The following UGT1A4 variants were observed in gnomAD, a reference collection of about 807,000 sequenced individuals.
UGT1A4 encodes the protein UDP-glucuronosyltransferase 1A4.
Under a neutral mutation model 41.1 loss-of-function variants are expected in UGT1A4, and 32 were observed. The observed-to-expected ratio is 0.78, with a 90% CI of 0.59 to 1.05. The LOEUF is 1.05. Ranked by LOEUF, UGT1A4 falls within the 50% of genes least tolerant of loss-of-function variation. UGT1A4 has a pLI of 0.00. For missense variants in UGT1A4, 748 were observed against 677.4 expected (o/e 1.10, Z -1.16); for synonymous variants, 283 against 265.1 (o/e 1.07, Z -0.66).
At chr2:233,764,035 A>G (rs1459516650) in intron 1 of UGT1A4, among the ~76,000 whole-genome samples, 2 of 152,226 alleles carry the variant, frequency 1.3e-5, no homozygotes, top group Non-Finnish European at 2.9e-5. Context: ...GTGCTAAAGA[A>G]GAATTCTGGG....
intron 1 of UGT1A4, chr2:233,753,565 G>GGACC (rs1470283120): frequency 1.3e-5 from 2 of 152,156 alleles, no homozygotes; most frequent in African/African-American, 4.8e-5. Flanking sequence ...CTAGAAGATG[G>GGACC]GACCCTTTGT....
At position 233,719,192 on chromosome 2, in the gene UGT1A4, T is replaced by A. The variant is rs770140125; in HGVS notation, c.372T>A (p.Leu124=). The change falls in exon 1 of 5, where the codon CTT becomes CTA. Residue 124 remains leucine (L), a synonymous_variant. Transcript: ENST00000373409. ...TTATGAACAATGTATCTTTGGCCCT[T>A]CATAGGTGTTGTGTGGAGCTACTGC... ...MAIMNNVSLA[L]HRCCVELLHN... 1.2e-5 allele frequency: 20 copies of A among 1,614,046 alleles called. No homozygotes were observed. The highest frequency in any genetic ancestry group is 1.2e-4 in the Admixed American group (7 of 59,996).
intron 1 of UGT1A4, 26 bp downstream of exon 1, chr2:233,719,713 C>T (rs761088378): frequency 6.2e-7 from 1 of 1,613,962 alleles, no homozygotes; most frequent in African/African-American, 1.3e-5. Flanking sequence ...TTCATCCAAT[C>T]AATGTTCCAG....
At chr2:233,755,830 A>G (rs534552982) in intron 1 of UGT1A4, 2 of 152,366 alleles carry the variant, frequency 1.3e-5, no homozygotes, top group South Asian at 4.1e-4. Context: ...AGACATATTC[A>G]TTGGGCAATT....
At chr2:233,721,966 T>C (rs1022053343) in intron 1 of UGT1A4, 4 of 298,750 alleles carry the variant, frequency 1.3e-5, no homozygotes, top group Admixed American at 7.9e-5. Flanking sequence ...TATGCATACA[T>C]TGATGGCCTG....
intron 1 of UGT1A4, among the ~76,000 whole-genome samples, chr2:233,739,752 C>A (rs1309875267): frequency 1.3e-5 from 2 of 152,166 alleles, no homozygotes; most frequent in Non-Finnish European, 2.9e-5. Context: ...GGACTATGGA[C>A]TTTTGAGCTA....
rs1464490488 is a variant in UGT1A4 at position 233,772,373 on chromosome 2, A to C, written c.1419A>C (p.Pro473=). 1.2e-6 allele frequency: 2 copies of C among 1,614,108 alleles called. No individual in the cohort carries two copies. The highest frequency in any genetic ancestry group is 2.2e-5 in the East Asian group (1 of 44,894). Reference sequence around the variant, plus strand: ...TTGTGATGAGGCACAAGGGCGCGCCACACCTGCGCCCCGCAGCCCACGACC... The same window carrying C: ...TTGTGATGAGGCACAAGGGCGCGCCCCACCTGCGCCCCGCAGCCCACGACC... ...VEFVMRHKGA[P]HLRPAAHDLT... The change falls in exon 5 of 5, where the codon CCA becomes CCC. Residue 473 remains proline, a synonymous_variant. Transcript: ENST00000373409.
At chr2:233,727,498 G>A (rs2077621663) in intron 1 of UGT1A4, among the ~76,000 whole-genome samples, 1 of 152,136 alleles carries the variant, frequency 6.6e-6, no homozygotes, top group Non-Finnish European at 1.5e-5. Context: ...TAGAACATGG[G>A]AGCCCATGAA....
intron 1 of UGT1A4, among the ~76,000 whole-genome samples, chr2:233,723,239 T>G (rs1575545383): frequency 9.2e-6 from 1 of 108,658 alleles, no homozygotes; most frequent in African/African-American, 4.5e-5. Context: ...TGAGTTGGAG[T>G]CCTGCTGTCA....
chr2:233,769,469 G>T lies in UGT1A4; in HGVS notation c.1307+1030G>T. On this transcript the variant is annotated intron_variant, in intron 4 of 4. Coordinates refer to ENST00000373409, the MANE Select transcript of UGT1A4 (RefSeq NM_007120.3). The surrounding 1 kb of genome is among the most constrained non-coding windows in gnomAD (Gnocchi z 4.4). ...CACACGTGTGCATTCATATGCGTGT[G>T]TGTGTGTGTGCGTGTGTTTATGAGA... 2 of 1,610,132 alleles carry T rather than the reference G, an allele frequency of 1.2e-6. No homozygotes were observed.
intron 1 of UGT1A4, chr2:233,760,236 A>ATC: frequency 8.2e-6 from 13 of 1,590,176 alleles, no homozygotes; most frequent in Non-Finnish European, 1.1e-5. Context: ...TTTTTGCCAT[A>ATC]TATATATATA....
intron 1 of UGT1A4, among the ~76,000 whole-genome samples, chr2:233,730,418 A>G (rs1198959382): frequency 2.0e-5 from 3 of 152,174 alleles, no homozygotes; most frequent in Non-Finnish European, 4.4e-5. Context: ...TGACATGATA[A>G]TTTTTAGTTG....
intron 1 of UGT1A4, among the ~76,000 whole-genome samples, chr2:233,763,416 A>T (rs1484402572): frequency 6.6e-6 from 1 of 152,224 alleles, no homozygotes; most frequent in Non-Finnish European, 1.5e-5. Flanking sequence ...TTTTTAATCC[A>T]GTCAGGCAGT....
rs1239644692 is a variant in UGT1A4 at position 233,769,886 on chromosome 2, C to T, written c.1307+1447C>T. On this transcript the variant is annotated intron_variant, in intron 4 of 4. Coordinates refer to ENST00000373409, the MANE Select transcript of UGT1A4 (RefSeq NM_007120.3). The surrounding 1 kb of genome is among the most constrained non-coding windows in gnomAD (Gnocchi z 4.4). ...AAAAAAAAAAAAAATGAAAAGTCCACATAACCTGAGCATCATGTGCCCAGA... is the reference window on the plus strand; with the variant it reads ...AAAAAAAAAAAAAATGAAAAGTCCATATAACCTGAGCATCATGTGCCCAGA... The T allele has an allele frequency of 5.3e-5, 21 of 399,374 alleles. No individual in the cohort carries two copies. The South Asian group carries it at 8.0e-4, about 15-fold the overall frequency. The allele number at this position is 399,374 out of a possible 1,614,324, so 24.7% of individuals were successfully genotyped here.
chr2:233,740,668 G>A (rs1267064015), intron 1 of UGT1A4: 1 of 151,782 alleles, frequency 6.6e-6, no homozygotes, highest in Non-Finnish European at 1.5e-5. Context: ...GAAGGTACAG[G>A]TGTTTCCATG....
chr2:233,720,872 T>TTG (rs71694891), intron 1 of UGT1A4, among the ~76,000 whole-genome samples: 1 of 39,450 alleles, frequency 2.5e-5, no homozygotes, highest in African/African-American at 3.2e-4. Flanking sequence ...CTCCTGGCAA[T>TTG]TTTTTTTTTT....
rs562389152 is a variant in UGT1A4 at position 233,767,124 on chromosome 2, G to C, written c.958G>C (p.Ala320Pro). The C allele has an allele frequency of 6.2e-7, 1 of 1,614,112 alleles. No individual in the cohort carries two copies. The highest frequency in any genetic ancestry group is 2.2e-5 in the East Asian group (1 of 44,864). Residue 320 changes from alanine (A) to proline (P), a missense_variant, in exon 2 of 5, where the codon GCT (alanine) becomes CCT (proline). Transcript: ENST00000373409. ...GGTCTCAGAAATTCCAGAGAAGAAA[G>C]CTATGGCAATTGCTGATGCTTTGGG... ...SMVSEIPEKK[A>P]MAIADALGKI...
chr2:233,767,704 T>A, intron 2 of UGT1A4, 145 bp from the exon 3 acceptor site: 1 of 1,518,956 alleles, frequency 6.6e-7, no homozygotes, highest in East Asian at 2.4e-5. Context: ...TTGCCAGTCC[T>A]CAGAAGCCTT....
rs199688431 is a variant in UGT1A4 at position 233,719,254 on chromosome 2, C to T, written c.434C>T (p.Ser145Phe). ...CTGATCAGGCACCTGAATGCTACTTCCTTTGATGTGGTTTTAACAGACCCC... is the reference window on the plus strand; with the variant it reads ...CTGATCAGGCACCTGAATGCTACTTTCTTTGATGTGGTTTTAACAGACCCC... ...EALIRHLNAT[S>F]FDVVLTDPVN... Residue 145 changes from serine to phenylalanine, a missense_variant, in exon 1 of 5, where the codon TCC becomes TTC. Transcript: ENST00000373409. 4.6e-5 allele frequency: 75 copies of T among 1,614,048 alleles called. No homozygotes were observed. The Middle Eastern group carries it at 2.5e-3, about 53-fold the overall frequency.
Sources: allele counts gnomAD v4.1 joint callset (sites outside exome capture counted in the v4.1 genomes callset), GRCh38; gene constraint gnomAD v4.1.1; non-coding constraint Gnocchi (gnomAD v3.1); transcripts MANE v1.5; gene names NCBI Gene and HGNC (gene_info 2026-07-23, HGNC 2026-07-21).